Variants in NRXN3 observed in about 807,000 individuals in gnomAD.
NRXN3 encodes neurexin III.
Under a neutral mutation model 137.6 loss-of-function variants are expected in NRXN3, and 32 were observed. The ratio of observed to expected loss-of-function variants is 0.23; its 90% confidence interval spans 0.18 to 0.31. NRXN3 has a LOEUF of 0.31. NRXN3 is among the 10% of genes least tolerant of loss of function. The pLI, the probability that NRXN3 is intolerant of heterozygous loss-of-function variation, is 1.00. For missense variants in NRXN3, 1,574 were observed against 2,062.5 expected, an observed-to-expected ratio of 0.76 and a Z score of 4.59; for synonymous variants, 798 against 784.5, an observed-to-expected ratio of 1.02 and a Z score of -0.29.
intron 15 of NRXN3, among the ~76,000 whole-genome samples, chr14:79,418,288 A>G (rs2095526561): frequency 6.6e-6 from 1 of 152,128 alleles, no homozygotes; most frequent in Admixed American, 6.6e-5. Flanking sequence ...ATTACCTTTT[A>G]TATTCTTTAA....
At position 78,186,111 on chromosome 14, in the gene NRXN3, A is replaced by G. The variant is rs1343975877; in HGVS notation, c.-704+15437A>G. Among the ~76,000 whole-genome samples, 3 of 152,206 alleles carry G rather than the reference A, an allele frequency of 2.0e-5. No homozygotes were observed. In the East Asian group the frequency reaches 5.8e-4, roughly 29 times the overall value. On this transcript the variant is annotated intron_variant, in intron 1 of 20. Coordinates refer to ENST00000335750, the MANE Select transcript of NRXN3 (RefSeq NM_001330195.2). The stretch of plus-strand genomic sequence containing the variant: ...TCAGCAGAAGCCACTAAGCTGGGCC[A>G]TAGAGCCAATTCTAGAATCTAGTCC...
chr14:79,481,522 T>C (rs2096608177), intron 16 of NRXN3, among the ~76,000 whole-genome samples: 1 of 152,224 alleles, frequency 6.6e-6, no homozygotes, highest in South Asian at 2.1e-4. Context: ...TGACGAATAC[T>C]GTAGGCAATT....
intron 10 of NRXN3, among the ~76,000 whole-genome samples, chr14:78,923,588 C>G (rs1337946533): frequency 6.6e-6 from 1 of 152,134 alleles, no homozygotes; most frequent in Non-Finnish European, 1.5e-5. Flanking sequence ...GCTCCTGCTC[C>G]CACAAGACAG....
intron 10 of NRXN3, among the ~76,000 whole-genome samples, chr14:78,812,441 T>C (rs1294910206): frequency 2.0e-5 from 3 of 152,220 alleles, no homozygotes; most frequent in Admixed American, 1.3e-4. Flanking sequence ...TAGCATCTTC[T>C]AGCTTCAGAG....
At chr14:79,427,160 G>A (rs2095666478) in intron 15 of NRXN3, among the ~76,000 whole-genome samples, 1 of 152,082 alleles carries the variant, frequency 6.6e-6, no homozygotes, top group Non-Finnish European at 1.5e-5. Flanking sequence ...CAACTAACAG[G>A]AGGAGAGATG....
chr14:78,575,698 T>C (rs1245259900), intron 4 of NRXN3, among the ~76,000 whole-genome samples: 3 of 152,154 alleles, frequency 2.0e-5, no homozygotes, highest in Non-Finnish European at 2.9e-5. Context: ...TAGATGATGG[T>C]AAGTGTTTTA....
intron 15 of NRXN3, among the ~76,000 whole-genome samples, chr14:79,437,916 A>C (rs1446110796): frequency 2.0e-5 from 3 of 152,226 alleles, no homozygotes; most frequent in Non-Finnish European, 4.4e-5. Flanking sequence ...GAATGTTTCA[A>C]TTAAAAATTT....
At chr14:78,311,542 G>A (rs57230307) in intron 4 of NRXN3, among the ~76,000 whole-genome samples, 11,893 of 152,200 alleles carry the variant, frequency 0.078, 818 homozygotes, top group East Asian at 0.29. Flanking sequence ...TTGTGTGTGT[G>A]AATTTTTTTT....
chr14:78,505,385 A>G (rs543804115), intron 4 of NRXN3, among the ~76,000 whole-genome samples: 25 of 152,326 alleles, frequency 1.6e-4, no homozygotes, highest in African/African-American at 4.1e-4. Context: ...CAAGGATTTC[A>G]AACTCAAATG....
At chr14:78,460,371 C>G (rs917443437) in intron 4 of NRXN3, among the ~76,000 whole-genome samples, 1 of 152,220 alleles carries the variant, frequency 6.6e-6, no homozygotes, top group Non-Finnish European at 1.5e-5. Context: ...CTGGATAGAG[C>G]TGAAAGTTCC....
At chr14:78,956,003 A>G (rs1472738425) in intron 10 of NRXN3, among the ~76,000 whole-genome samples, 1 of 152,228 alleles carries the variant, frequency 6.6e-6, no homozygotes, top group Non-Finnish European at 1.5e-5. Context: ...AGCACTCATT[A>G]AAGCTCCTAC....
At chr14:79,218,163 T>G (rs1360520729) in intron 15 of NRXN3, among the ~76,000 whole-genome samples, 2 of 152,198 alleles carry the variant, frequency 1.3e-5, no homozygotes. Flanking sequence ...CAACTAGATG[T>G]TGGAAAATTC....
At chr14:78,193,152 AG>A (rs2060901023) in intron 1 of NRXN3, among the ~76,000 whole-genome samples, 1 of 152,230 alleles carries the variant, frequency 6.6e-6, no homozygotes, top group Admixed American at 6.5e-5. Flanking sequence ...ATTCATAACT[AG>A]GGGGGTTTGG....
rs142181576 is a variant in NRXN3 at position 79,839,271 on chromosome 14, C to G, written c.4094-22071C>G. 5.5e-3 allele frequency among the ~76,000 whole-genome samples: 833 copies of G among 152,060 alleles called. 11 individuals are homozygous for G. The highest frequency in any genetic ancestry group is 0.019 in the African/African-American group (799 of 41,486). ...GGTCTGGTTGGCTGAGGCCTAGGGC[C>G]GGAGTCTAGTCTAAAACAATGGCCT... On this transcript the variant is annotated intron_variant, in intron 20 of 20. Coordinates refer to ENST00000335750, the MANE Select transcript of NRXN3 (RefSeq NM_001330195.2).
rs565013948 is a variant in NRXN3 at position 79,413,274 on chromosome 14, A to G, written c.3263-53947A>G. ...TCTGTAAATCTGAGAAGTTATTTTC[A>G]TTGTTGTTGGATGATAATGCTTAAG... On this transcript the variant is annotated intron_variant, in intron 15 of 20. Transcript: ENST00000335750. Among the ~76,000 whole-genome samples, 5 of 152,212 alleles carry G rather than the reference A, an allele frequency of 3.3e-5. 1 individual carries two copies. The South Asian group carries it at 8.3e-4, about 25-fold the overall frequency.
intron 15 of NRXN3, among the ~76,000 whole-genome samples, chr14:79,276,724 A>G (rs1868634): frequency 0.27 from 40,244 of 151,028 alleles, 6,340 homozygotes; most frequent in Admixed American, 0.42. Context: ...AAAAAAAAAA[A>G]AAAGAAAAAC....
At chr14:79,602,080 A>G (rs1332862879) in intron 16 of NRXN3, among the ~76,000 whole-genome samples, 1 of 152,222 alleles carries the variant, frequency 6.6e-6, no homozygotes, top group African/African-American at 2.4e-5. Context: ...GGCTAAATAC[A>G]ACATACCTGT....
intron 4 of NRXN3, among the ~76,000 whole-genome samples, chr14:78,557,849 C>T (rs1035107768): frequency 7.2e-5 from 11 of 152,216 alleles, no homozygotes; most frequent in Non-Finnish European, 1.6e-4. Flanking sequence ...CAGAGGCTTG[C>T]TGAAGGCATC....
chr14:78,903,292 G>A (rs898023138), intron 10 of NRXN3, among the ~76,000 whole-genome samples: 5 of 151,740 alleles, frequency 3.3e-5, no homozygotes, highest in African/African-American at 1.2e-4. Context: ...GGGACTATAG[G>A]CTCATGCCAC....
Sources: allele counts gnomAD v4.1 joint callset (sites outside exome capture counted in the v4.1 genomes callset), GRCh38; gene constraint gnomAD v4.1.1; transcripts MANE v1.5; gene names NCBI Gene and HGNC (gene_info 2026-07-23, HGNC 2026-07-21).